Variants in C16orf74 observed in about 807,000 individuals in gnomAD.
C16orf74 encodes the protein uncharacterized protein C16orf74.
A neutral mutation model predicts 6.5 loss-of-function variants in C16orf74; 10 were observed. That is an observed-to-expected ratio of 1.54 (90% CI 0.95 to 2.61). The LOEUF (loss-of-function observed/expected upper bound fraction) is 2.61, where lower values mean the gene tolerates loss of function less well. Among genes scored for constraint, C16orf74 ranks in the 30% most tolerant of loss-of-function variants. The pLI, the probability that C16orf74 is intolerant of heterozygous loss-of-function variation, is 0.00. For synonymous variants in C16orf74, 60 were observed against 42.5 expected (o/e 1.41, Z -1.60); for missense variants, 141 against 105.9 (o/e 1.33, Z -1.45).
At chr16:85,717,230 G>A (rs1353937696) in intron 2 of C16orf74, among the ~76,000 whole-genome samples, 1 of 152,206 alleles carries the variant, frequency 6.6e-6, no homozygotes, top group African/African-American at 2.4e-5. Flanking sequence ...GACAGGCTTT[G>A]AGACCCGGCT....
chr16:85,708,717 C>T (rs926480690), intron 3 of C16orf74, among the ~76,000 whole-genome samples: 5 of 152,240 alleles, frequency 3.3e-5, no homozygotes, highest in Non-Finnish European at 7.3e-5. Flanking sequence ...CACCCAGCAC[C>T]TGCACTGGCC....
chr16:85,732,596 G>A (rs112006792), intron 2 of C16orf74, among the ~76,000 whole-genome samples: 27,584 of 150,382 alleles, frequency 0.18, 3,169 homozygotes, highest in Middle Eastern at 0.33. Flanking sequence ...AACCCGGGAG[G>A]CGGGGGTTGC....
intron 1 of C16orf74, among the ~76,000 whole-genome samples, chr16:85,742,840 A>G (rs1191535514): frequency 6.6e-6 from 1 of 152,168 alleles, no homozygotes; most frequent in Non-Finnish European, 1.5e-5. Context: ...GGTGCCCAGC[A>G]TGAACCTCTT....
At chr16:85,708,223 T>G (rs902958172) in intron 3 of C16orf74, among the ~76,000 whole-genome samples, 157 bp from the exon 4 acceptor site, 2 of 152,160 alleles carry the variant, frequency 1.3e-5, no homozygotes, top group African/African-American at 4.8e-5. Context: ...GCTGGATCCT[T>G]CTGGGTGAAT....
chr16:85,748,939 T>A (rs1487868269), intron 1 of C16orf74, among the ~76,000 whole-genome samples: 28 of 115,486 alleles, frequency 2.4e-4, no homozygotes, highest in Non-Finnish European at 4.5e-4. Context: ...TTTTTTTTTT[T>A]TTTTTTTTAT....
At chr16:85,729,585 G>A (rs1285203108) in intron 2 of C16orf74, among the ~76,000 whole-genome samples, 2 of 152,218 alleles carry the variant, frequency 1.3e-5, no homozygotes, top group Non-Finnish European at 2.9e-5. Flanking sequence ...CATCAACCCA[G>A]AACCTCAGAA....
intron 2 of C16orf74, among the ~76,000 whole-genome samples, chr16:85,712,762 A>T (rs2053982687): frequency 2.0e-5 from 3 of 152,224 alleles, no homozygotes; most frequent in Admixed American, 1.3e-4. Context: ...AAATAATTTA[A>T]TCTTGCCTAA....
intron 2 of C16orf74, among the ~76,000 whole-genome samples, chr16:85,717,072 C>T (rs912113112): frequency 2.2e-4 from 34 of 152,326 alleles, no homozygotes; most frequent in Middle Eastern, 6.8e-3. Context: ...CTTCGTGCTC[C>T]GGGTCACCAG....
At chr16:85,738,345 G>C (rs1187182090) in intron 1 of C16orf74, among the ~76,000 whole-genome samples, 2 of 138,624 alleles carry the variant, frequency 1.4e-5, no homozygotes, top group East Asian at 2.0e-4. Context: ...TTTTTTTTGA[G>C]ACAGAGTCTC....
At chr16:85,718,686 T>A (rs1210907008) in intron 2 of C16orf74, among the ~76,000 whole-genome samples, 1 of 152,252 alleles carries the variant, frequency 6.6e-6, no homozygotes, top group Non-Finnish European at 1.5e-5. Flanking sequence ...TGATTCTATA[T>A]GCGTTTTGTG....
intron 1 of C16orf74, among the ~76,000 whole-genome samples, chr16:85,745,826 G>A (rs767932276): frequency 2.6e-5 from 4 of 152,136 alleles, no homozygotes; most frequent in African/African-American, 4.8e-5. Context: ...CTGGCTGGAG[G>A]GACCCTGCTT....
intron 1 of C16orf74, among the ~76,000 whole-genome samples, chr16:85,750,555 C>T (rs900169611): frequency 2.0e-5 from 3 of 152,236 alleles, no homozygotes; most frequent in South Asian, 2.1e-4. Flanking sequence ...CCCCCGCCCC[C>T]CGCCGGGCTG....
chr16:85,730,266 C>T (rs1360606883), intron 2 of C16orf74, among the ~76,000 whole-genome samples: 4 of 152,282 alleles, frequency 2.6e-5, no homozygotes, highest in South Asian at 4.1e-4. Context: ...GGAATAAGAA[C>T]GGGTCTCGGA....
At chr16:85,722,234 G>A (rs1177716111) in intron 2 of C16orf74, among the ~76,000 whole-genome samples, 4 of 152,144 alleles carry the variant, frequency 2.6e-5, no homozygotes, top group Non-Finnish European at 5.9e-5. Flanking sequence ...ATGGTACTAA[G>A]AGGAAGGTGT....
chr16:85,713,911 C>T (rs2053994204), intron 2 of C16orf74, among the ~76,000 whole-genome samples: 1 of 152,200 alleles, frequency 6.6e-6, no homozygotes, highest in African/African-American at 2.4e-5. Context: ...CTGTGAGCGT[C>T]TTCCCTTTGG....
chr16:85,740,715 T>C (rs1320182445), intron 1 of C16orf74, among the ~76,000 whole-genome samples: 1 of 120,604 alleles, frequency 8.3e-6, no homozygotes, highest in Non-Finnish European at 1.7e-5. Flanking sequence ...AAAAAAAAAA[T>C]TATCCGGGCT....
Position 85,736,005 on chromosome 16 carries a change from C to A in C16orf74, c.-18-770G>T, listed in dbSNP as rs962432122. ...CCCAAGGCTACCAGCTTACTAGGGA[C>A]TGTGGAGCTGAGACTCGAACCCAGG... On this transcript the variant is annotated intron_variant, in intron 1 of 3. Coordinates refer to ENST00000284245, the MANE Select transcript of C16orf74 (RefSeq NM_206967.3). 2.6e-5 allele frequency among the ~76,000 whole-genome samples: 4 copies of A among 152,174 alleles called. No homozygotes were observed. The East Asian group carries it at 7.7e-4, about 29-fold the overall frequency.
intron 2 of C16orf74, among the ~76,000 whole-genome samples, chr16:85,725,963 C>T (rs1298364772): frequency 1.3e-5 from 2 of 152,198 alleles, no homozygotes; most frequent in African/African-American, 4.8e-5. Flanking sequence ...GACCTCAGCT[C>T]CTCCAGCTCA....
chr16:85,729,067 G>A (rs988346368), intron 2 of C16orf74, among the ~76,000 whole-genome samples: 1 of 152,108 alleles, frequency 6.6e-6, no homozygotes, highest in African/African-American at 2.4e-5. Context: ...CCATTTCCTT[G>A]GCTGTGCCGC....
Sources: allele counts gnomAD v4.1 joint callset (sites outside exome capture counted in the v4.1 genomes callset), GRCh38; gene constraint gnomAD v4.1.1; transcripts MANE v1.5; gene names NCBI Gene and HGNC (gene_info 2026-07-23, HGNC 2026-07-21).